PARP4: variants seen among roughly 807,000 people sequenced by gnomAD.
PARP4 encodes the protein protein mono-ADP-ribosyltransferase PARP4.
PARP4 carries 120 observed loss-of-function variants against 187.7 expected under a neutral mutation model. That is an observed-to-expected ratio of 0.64 (90% CI 0.55 to 0.74). The LOEUF (loss-of-function observed/expected upper bound fraction) is 0.74, where lower values mean the gene tolerates loss of function less well. PARP4 is among the 30% of genes least tolerant of loss of function. PARP4 has a pLI of 0.00. For missense variants in PARP4, 1,836 were observed against 2,070.5 expected (o/e 0.89, Z 2.20); for synonymous variants, 654 against 740.9 (o/e 0.88, Z 1.90).
intron 17 of PARP4, among the ~76,000 whole-genome samples, chr13:24,465,689 G>A (rs1432353930): frequency 2.0e-5 from 3 of 151,994 alleles, no homozygotes; most frequent in Non-Finnish European, 2.9e-5. Flanking sequence ...CTGGGTGATG[G>A]GTTGATAGGT....
chr13:24,435,528 C>T, intron 30 of PARP4, 54 bp from the exon 31 acceptor site: 2 of 1,505,262 alleles, frequency 1.3e-6, no homozygotes, highest in Admixed American at 2.2e-5. Context: ...ATAAAAAGAA[C>T]AATCAAGCAA....
chr13:24,493,774 G>T, intron 7 of PARP4, 41 bp from the exon 8 acceptor site: 1 of 1,601,596 alleles, frequency 6.2e-7, no homozygotes, highest in Non-Finnish European at 8.5e-7. Context: ...AAGTCATCAT[G>T]TGTGAGTTTG....
intron 6 of PARP4, among the ~76,000 whole-genome samples, chr13:24,497,534 T>C (rs1869022574): frequency 6.6e-6 from 1 of 152,140 alleles, no homozygotes; most frequent in African/African-American, 2.4e-5. Flanking sequence ...AACATTCCCT[T>C]CTAGCGGGAC....
chr13:24,507,100 A>G (rs1869746860), intron 1 of PARP4, among the ~76,000 whole-genome samples: 1 of 152,178 alleles, frequency 6.6e-6, no homozygotes, highest in African/African-American at 2.4e-5. Flanking sequence ...GGCTGCTCAG[A>G]GTGCGGGGAC....
chr13:24,474,120 G>A (rs1346095750), intron 15 of PARP4, among the ~76,000 whole-genome samples: 2 of 152,122 alleles, frequency 1.3e-5, no homozygotes, highest in African/African-American at 4.8e-5. Context: ...ATTCTAGTAA[G>A]TGCAAACATG....
intron 17 of PARP4, among the ~76,000 whole-genome samples, chr13:24,464,431 T>A (rs1198971409): frequency 6.6e-6 from 1 of 152,176 alleles, no homozygotes; most frequent in African/African-American, 2.4e-5. Flanking sequence ...AACAGCATGG[T>A]ACTGGTACAA....
At position 24,452,594 on chromosome 13, in the gene PARP4, C is replaced by G; in HGVS notation, c.2827-1G>C. ...TGTTCCCCATGGTAGGTGTGGCAGA[C>G]TGGAGGAAATGAAGTGAAAGATTAT... On this transcript the variant is annotated splice_acceptor_variant, in intron 23 of 33. Transcript: ENST00000381989. LOFTEE classifies it high-confidence loss of function. 1.2e-6 allele frequency: 2 copies of G among 1,609,388 alleles called. No individual in the cohort carries two copies. The highest frequency in any genetic ancestry group is 2.2e-5 in the South Asian group (2 of 90,614).
At chr13:24,465,876 A>G (rs1050077020) in intron 17 of PARP4, among the ~76,000 whole-genome samples, 2 of 152,240 alleles carry the variant, frequency 1.3e-5, no homozygotes, top group East Asian at 3.8e-4. Flanking sequence ...TATGGGAAAA[A>G]AGAAACGAAC....
At chr13:24,512,301 T>A (rs899452062) in intron 1 of PARP4, among the ~76,000 whole-genome samples, 20 of 152,250 alleles carry the variant, frequency 1.3e-4, no homozygotes, top group Non-Finnish European at 2.8e-4. Flanking sequence ...TCCTGATTAC[T>A]CACCAAACCA....
In PARP4 at chr13:24,447,140, A is replaced by T; in HGVS notation, c.3161T>A (p.Val1054Asp). 6.2e-7 allele frequency: 1 copy of T among 1,613,226 alleles called. No individual in the cohort carries two copies. Among genetic ancestry groups the T allele is most frequent in the East Asian group, 2.2e-5 (1 of 44,798 alleles). ...TRLCSPSCHS[V>D]SVKWQQLNPD... ...ATTGAGTTGCTGCCATTTGACGGAG[A>T]CAGAGTGGCAACTCGGAGAACATAG... Residue 1054 changes from valine to aspartate, a missense_variant, in exon 26 of 34, where the codon GTC becomes GAC. Physicochemically the swap from Val to Asp is radical, Grantham distance 152. Transcript: ENST00000381989.
At position 24,486,176 on chromosome 13, in the gene PARP4, G is replaced by A; in HGVS notation, c.1344C>T (p.Ile448=). 6.2e-7 allele frequency: 1 copy of A among 1,609,982 alleles called. No individual in the cohort carries two copies. Among genetic ancestry groups the A allele is most frequent in the Non-Finnish European group, 8.5e-7 (1 of 1,178,668 alleles). Residue 448 remains isoleucine (I), a synonymous_variant, in exon 11 of 34, where the codon ATC becomes ATT. Transcript: ENST00000381989. ...HGSPVQNIVG[I]LCRGLLLPKV... is the part of the protein sequence containing the mutation. The stretch of plus-strand genomic sequence containing the variant: ...AAGATGGCTACTCTTACCGACACAA[G>A]ATTCCCACGATGTTTTGTACAGGAG...
intron 17 of PARP4, among the ~76,000 whole-genome samples, chr13:24,460,475 C>CGGGTGGGCTCTGCTGCAT (rs879706240): frequency 2.9e-4 from 37 of 126,452 alleles, no homozygotes; most frequent in East Asian, 9.4e-4. Context: ...CTCTGCTGCA[C>CGGGTGGGCTCTGCTGCAT]GGGTGGGCTC....
At chr13:24,503,612 T>C (rs758652749) in intron 2 of PARP4, 33 bp downstream of exon 2, 4 of 1,610,742 alleles carry the variant, frequency 2.5e-6, no homozygotes, top group South Asian at 1.1e-5. Flanking sequence ...CGCAATGTTT[T>C]ATCACACTGT....
Position 24,421,244 on chromosome 13 carries a change from G to A in PARP4, c.5050C>T (p.Pro1684Ser). Residue 1684 changes from proline (P) to serine (S), a missense_variant, in exon 34 of 34, where the codon CCA (proline) becomes TCA (serine). Pro to Ser is a moderately conservative substitution (Grantham distance 74). Around this residue, in one of 8 missense-constraint regions of PARP4, gnomAD observed 29 missense variants for 81.3 expected, o/e 0.36. Transcript: ENST00000381989. ...AGTTCAAGCCGTGGGCAGATAGATG[G>A]GTACTGTCCTTCAGTTCTTCTTACC... ...EWVRRTEGQYPSICPRLELGN... is the reference protein window; with the variant it reads ...EWVRRTEGQYSSICPRLELGN... The A allele has an allele frequency of 2.3e-6, 3 of 1,333,072 alleles. No individual in the cohort carries two copies. Among genetic ancestry groups the A allele is most frequent in the Non-Finnish European group, 3.0e-6 (3 of 991,224 alleles). The allele number at this position is 1,333,072 out of a possible 1,614,324, so 82.6% of individuals were successfully genotyped here. A position where few individuals can be genotyped will look rare whatever the true frequency, so the allele number is the denominator to read the frequency against.
At chr13:24,421,708 C>A (rs1173437707) in intron 33 of PARP4, among the ~76,000 whole-genome samples, 101 of 148,824 alleles carry the variant, frequency 6.8e-4, no homozygotes, top group African/African-American at 1.8e-3. Flanking sequence ...CTCCTTCCCA[C>A]TGTACTGACT....
chr13:24,475,789 G>GT (rs1436779513), intron 14 of PARP4, among the ~76,000 whole-genome samples, 193 bp from the exon 15 acceptor site: 4 of 113,962 alleles, frequency 3.5e-5, no homozygotes, highest in Admixed American at 2.8e-4. Context: ...GGTGCCTTCT[G>GT]CCTTTTTTTT....
intron 31 of PARP4, 25 bp downstream of exon 31, chr13:24,434,370 A>C (rs747959377): frequency 7.3e-6 from 11 of 1,516,148 alleles, no homozygotes; most frequent in Non-Finnish European, 8.8e-6. Context: ...CCAACCACAG[A>C]TTTAAGGAGA....
chr13:24,466,857 T>G (rs1158078244), intron 17 of PARP4, among the ~76,000 whole-genome samples: 10 of 149,712 alleles, frequency 6.7e-5, no homozygotes, highest in African/African-American at 2.5e-4. Flanking sequence ...TGGAATCATT[T>G]AAAAAACAAT....
At chr13:24,487,122 T>C (rs1566014816) in intron 10 of PARP4, among the ~76,000 whole-genome samples, 1 of 151,798 alleles carries the variant, frequency 6.6e-6, no homozygotes, top group Non-Finnish European at 1.5e-5. Context: ...TAGCAGGGCA[T>C]GGTGGTGCAC....
Sources: allele counts gnomAD v4.1 joint callset (sites outside exome capture counted in the v4.1 genomes callset), GRCh38; gene constraint gnomAD v4.1.1; regional missense constraint gnomAD v4.1.1; transcripts MANE v1.5; gene names NCBI Gene and HGNC (gene_info 2026-07-23, HGNC 2026-07-21).